The following ABR variants were observed in gnomAD, a reference collection of about 807,000 sequenced individuals.
The protein encoded by ABR is ABR activator of RhoGEF and GTPase.
In ABR, 35 loss-of-function variants were observed where a neutral mutation model predicts 107.2. The observed-to-expected ratio is 0.33, with a 90% CI of 0.25 to 0.43. ABR has a LOEUF of 0.43. Among genes scored for constraint, ABR ranks in the 20% least tolerant of loss-of-function variants. The pLI is 1.00. For missense variants in ABR, 815 were observed against 1,115.2 expected (o/e 0.73, Z 3.83); for synonymous variants, 498 against 462.0 (o/e 1.08, Z -1.00).
chr17:1,134,735 G>A (rs1303752593), intron 1 of ABR, among the ~76,000 whole-genome samples: 1 of 152,232 alleles, frequency 6.6e-6, no homozygotes, highest in Non-Finnish European at 1.5e-5. Context: ...AGGCTTTGGT[G>A]CCACGCTAAG....
intron 18 of ABR, chr17:1,012,382 C>A (rs1229541239): frequency 1.5e-6 from 1 of 661,056 alleles, no homozygotes; most frequent in Non-Finnish European, 2.8e-6. Flanking sequence ...GGCCGCCAGT[C>A]CCCGTTGGTG....
rs780245289 is a variant in ABR at position 1,007,195 on chromosome 17, C to T, written c.2460G>A (p.Ala820=). The T allele has an allele frequency of 8.7e-6, 14 of 1,613,846 alleles. No individual in the cohort carries two copies. The East Asian group carries it at 1.6e-4, about 18-fold the overall frequency. ...CCATGACGTCATGGGACCAGATGTC[C>T]GCAGCCGAGGTGAGGTGTGCTTTGC... ...VESKAHLTSA[A]DIWSHDVMAQ... The change falls in exon 22 of 23, where the codon GCG becomes GCA. Residue 820 remains alanine, a synonymous_variant. Coordinates refer to ENST00000302538, the MANE Select transcript of ABR (RefSeq NM_021962.5).
intron 9 of ABR, among the ~76,000 whole-genome samples, chr17:1,068,173 T>C (rs1158412260): frequency 6.6e-6 from 1 of 152,240 alleles, no homozygotes; most frequent in African/African-American, 2.4e-5. Flanking sequence ...CCTCAGGTGA[T>C]CCACCCGCCT....
chr17:1,195,243 C>G (rs1258991120), intron 1 of ABR, among the ~76,000 whole-genome samples: 2 of 140,600 alleles, frequency 1.4e-5, no homozygotes, highest in South Asian at 2.4e-4. Flanking sequence ...GAAGGCGGAG[C>G]TTGCAGTGAG....
chr17:1,077,407 A>G (rs569119968), intron 6 of ABR, among the ~76,000 whole-genome samples: 1 of 152,312 alleles, frequency 6.6e-6, no homozygotes, highest in Non-Finnish European at 1.5e-5. Flanking sequence ...AGCCAAGGGT[A>G]CGTTTCCTTT....
In ABR at chr17:1,021,674, G is replaced by C. The variant is rs577460657; in HGVS notation, c.1792-8510C>G. 5.3e-5 allele frequency among the ~76,000 whole-genome samples: 8 copies of C among 151,926 alleles called. No individual in the cohort carries two copies. The East Asian group carries it at 9.7e-4, about 18-fold the overall frequency. The stretch of plus-strand genomic sequence containing the variant: ...CAAAAATTAGCCAGGCGTGGTGGCG[G>C]GTGCCTGTAATCCCAGCTACTGGGG... On this transcript the variant is annotated intron_variant, in intron 16 of 22. Transcript: ENST00000302538.
chr17:1,151,261 A>G (rs1166176085), intron 1 of ABR, among the ~76,000 whole-genome samples: 2 of 152,186 alleles, frequency 1.3e-5, no homozygotes, highest in African/African-American at 4.8e-5. Context: ...CATGACTGCC[A>G]GGCTCTCACA....
chr17:1,207,374 G>A (rs901420183), intron 1 of ABR, among the ~76,000 whole-genome samples: 5 of 152,112 alleles, frequency 3.3e-5, no homozygotes, highest in Non-Finnish European at 5.9e-5. Flanking sequence ...ATTTGGCCGT[G>A]TGCAGTGGCT....
Position 1,078,970 on chromosome 17 carries a change from AGCATCGGGCAGCCGCTCCGGAGT to A in ABR, c.700+337_700+359del. 1 of 1,489,328 alleles carries A rather than the reference AGCATCGGGCAGCCGCTCCGGAGT, an allele frequency of 6.7e-7. No homozygotes were observed. The highest frequency in any genetic ancestry group is 8.9e-7 in the Non-Finnish European group (1 of 1,119,348). 92.3% of individuals were successfully genotyped at this position (1,489,328 alleles called of 1,614,324 possible). ...TTGCTGATGCTGCCGCACGGACTCCAGCATCGGGCAGCCGCTCCGGAGTGCTCTTCCAGCAAGGGGGAGGGGAG... is the reference window on the plus strand; with the variant it reads ...TTGCTGATGCTGCCGCACGGACTCCAGCTCTTCCAGCAAGGGGGAGGGGAG... On this transcript the variant is annotated intron_variant, in intron 6 of 22. Transcript: ENST00000302538. This position sits in a 1 kb window ranked among gnomAD's most constrained non-coding sequence, Gnocchi z 7.5.
rs557360898 is a variant in ABR at position 1,073,736 on chromosome 17, C to T, written c.701-59G>A. 4.1e-6 allele frequency: 6 copies of T among 1,472,274 alleles called. No homozygotes were observed. The East Asian group carries it at 1.4e-4, about 35-fold the overall frequency. The allele number at this position is 1,472,274 out of a possible 1,614,324, so 91.2% of individuals were successfully genotyped here. Reference sequence around the variant, plus strand: ...ATGATGGACGAGGGCAACCCAACACCCCAGAGACCAGCTTCGTCCCCCCAC... The same window carrying T: ...ATGATGGACGAGGGCAACCCAACACTCCAGAGACCAGCTTCGTCCCCCCAC... On this transcript the variant is annotated intron_variant, in intron 6 of 22. Transcript: ENST00000302538.
chr17:1,012,434 T>C, intron 18 of ABR: 2 of 686,078 alleles, frequency 2.9e-6, no homozygotes, highest in Non-Finnish European at 2.7e-6. Flanking sequence ...AGCTTCCCGC[T>C]TGTTACGAGG....
intron 1 of ABR, among the ~76,000 whole-genome samples, chr17:1,133,334 C>T (rs910213354): frequency 1.3e-5 from 2 of 151,600 alleles, no homozygotes; most frequent in African/African-American, 2.4e-5. Context: ...TTATACCCAG[C>T]GTAATAAGAT....
intron 2 of ABR, among the ~76,000 whole-genome samples, chr17:1,107,740 AC>A (rs1397745822): frequency 1.3e-5 from 2 of 151,972 alleles, no homozygotes; most frequent in Non-Finnish European, 2.9e-5. Context: ...GACGTGACTT[AC>A]CCCCACGGCC....
At chr17:1,023,974 G>A (rs1038038709) in intron 16 of ABR, among the ~76,000 whole-genome samples, 4 of 139,184 alleles carry the variant, frequency 2.9e-5, no homozygotes, top group South Asian at 2.4e-4. Context: ...GCGGTGAGCC[G>A]AGATTGTGCC....
At chr17:1,124,493 G>T (rs192426215) in intron 2 of ABR, among the ~76,000 whole-genome samples, 1 of 152,298 alleles carries the variant, frequency 6.6e-6, no homozygotes, top group Admixed American at 6.5e-5. Context: ...ATGTGTCTCC[G>T]ACAGGCACAC....
rs2042996505 is a variant in ABR, at chr17:1,215,920, G to GC, written c.838+12872_838+12873insG. Among the ~76,000 whole-genome samples, 4 of 139,208 alleles carry GC rather than the reference G, an allele frequency of 2.9e-5. 1 individual carries two copies. In the South Asian group the frequency reaches 1.0e-3, roughly 35 times the overall value. The allele number at this position is 139,208 out of a possible 152,430, so 91.3% of individuals were successfully genotyped here. A position where few individuals can be genotyped will look rare whatever the true frequency, so the allele number is the denominator to read the frequency against. ...GAAACATGTGCTGTGTCCACTCAGG[G>GC]TAAATGGATTAAGGGCGGTGCAAGA... is the stretch of plus-strand genomic sequence containing the variant. On this transcript the variant is annotated intron_variant, in intron 1 of 22. Transcript: ENST00000574139.
At chr17:1,119,863 A>C (rs967928848) in intron 2 of ABR, among the ~76,000 whole-genome samples, 1 of 152,214 alleles carries the variant, frequency 6.6e-6, no homozygotes, top group South Asian at 2.1e-4. Flanking sequence ...CACTGGCTGC[A>C]TGGTCTTGGA....
intron 1 of ABR, among the ~76,000 whole-genome samples, chr17:1,147,151 G>A (rs879685325): frequency 6.6e-6 from 1 of 152,252 alleles, no homozygotes. Context: ...CGGCTGAACA[G>A]TGAAAAATTA....
chr17:1,106,553 TGAGTCTCACC>T (rs1309627597), intron 2 of ABR, among the ~76,000 whole-genome samples: 2 of 123,126 alleles, frequency 1.6e-5, no homozygotes, highest in African/African-American at 6.4e-5. Context: ...TTTTTGAGAC[TGAGTCTCACC>T]CTGTCGCCCA....
Sources: allele counts gnomAD v4.1 joint callset (sites outside exome capture counted in the v4.1 genomes callset), GRCh38; gene constraint gnomAD v4.1.1; non-coding constraint Gnocchi (gnomAD v3.1); transcripts MANE v1.5; gene names NCBI Gene and HGNC (gene_info 2026-07-23, HGNC 2026-07-21).